Variants in ARHGEF37 observed in about 807,000 individuals in gnomAD.
ARHGEF37 encodes Rho guanine nucleotide exchange factor (GEF) 37.
In ARHGEF37, 55 loss-of-function variants were observed where a neutral mutation model predicts 71.1. That is an observed-to-expected ratio of 0.77 (90% confidence interval 0.62 to 0.97). ARHGEF37 has a LOEUF of 0.97. Ranked by LOEUF, ARHGEF37 falls within the 50% of genes least tolerant of loss-of-function variation. The probability of loss-of-function intolerance (pLI) is 0.00; values close to 1 mark genes in which losing one functional copy is unlikely to be tolerated. For missense variants in ARHGEF37, 765 were observed against 836.8 expected (o/e 0.91, Z 1.06); for synonymous variants, 327 against 350.6 (o/e 0.93, Z 0.75).
intron 5 of ARHGEF37, among the ~76,000 whole-genome samples, chr5:149,616,999 T>C (rs979315672): frequency 6.6e-6 from 1 of 152,178 alleles, no homozygotes; most frequent in East Asian, 1.9e-4. Context: ...CTGGCTTGCC[T>C]CATAATAGTA....
chr5:149,602,419 G>A (rs919956417), intron 3 of ARHGEF37, among the ~76,000 whole-genome samples: 1 of 152,100 alleles, frequency 6.6e-6, no homozygotes, highest in Admixed American at 6.5e-5. Flanking sequence ...GGTGGTGAGA[G>A]TGGAAGCAGC....
At position 149,619,000 on chromosome 5, in the gene ARHGEF37, T is replaced by C; in HGVS notation, c.852T>C (p.Thr284=). The change falls in exon 7 of 13, where the codon ACT becomes ACC. Residue 284 remains threonine, a synonymous_variant. Coordinates refer to ENST00000333677, the MANE Select transcript of ARHGEF37 (RefSeq NM_001001669.3). Reference sequence around the variant, plus strand: ...TCCAGTGGGTGTCTCTGTGTGTGACTGAGCTGAAGAACAACGTGGCTGCTT... The same window carrying C: ...TCCAGTGGGTGTCTCTGTGTGTGACCGAGCTGAAGAACAACGTGGCTGCTT... ...ERFQWVSLCV[T]ELKNNVAAYL... 1.9e-6 allele frequency: 3 copies of C among 1,614,212 alleles called. No homozygotes were observed. In the South Asian group the frequency reaches 3.3e-5, roughly 18 times the overall value.
chr5:149,566,047 TGTTA>T (rs1025932015), intron 1 of ARHGEF37, among the ~76,000 whole-genome samples: 3 of 151,224 alleles, frequency 2.0e-5, no homozygotes, highest in African/African-American at 7.3e-5. Flanking sequence ...TGTTTCACCA[TGTTA>T]GTTAGGCTCA....
intron 1 of ARHGEF37, among the ~76,000 whole-genome samples, chr5:149,591,387 T>A (rs78818953): frequency 0.22 from 32,873 of 151,750 alleles, 4,301 homozygotes; most frequent in African/African-American, 0.36. Context: ...TCGGCCAGCC[T>A]TTGTCTTTTT....
At chr5:149,611,510 A>G (rs1764076512) in intron 4 of ARHGEF37, among the ~76,000 whole-genome samples, 1 of 152,216 alleles carries the variant, frequency 6.6e-6, no homozygotes, top group East Asian at 1.9e-4. Flanking sequence ...CATCCTCTGC[A>G]CTTTGGTCTT....
intron 1 of ARHGEF37, among the ~76,000 whole-genome samples, chr5:149,594,795 C>T (rs929732520): frequency 6.6e-5 from 10 of 152,198 alleles, no homozygotes; most frequent in African/African-American, 7.2e-5. Flanking sequence ...CAAATACCCA[C>T]GTACTTACCT....
At chr5:149,617,094 A>C (rs1357308454) in intron 5 of ARHGEF37, among the ~76,000 whole-genome samples, 1 of 152,140 alleles carries the variant, frequency 6.6e-6, no homozygotes, top group East Asian at 1.9e-4. Context: ...CACAAAAATT[A>C]AGTCAAAGTT....
At position 149,616,433 on chromosome 5, in the gene ARHGEF37, G is replaced by A; in HGVS notation, c.459-134G>A. The A allele has an allele frequency of 5.1e-6, 4 of 777,278 alleles. No individual in the cohort carries two copies. In the South Asian group the frequency reaches 8.2e-5, roughly 16 times the overall value. 48.1% of individuals were successfully genotyped at this position (777,278 alleles called of 1,614,324 possible). On this transcript the variant is annotated intron_variant, in intron 4 of 12. Coordinates refer to ENST00000333677, the MANE Select transcript of ARHGEF37 (RefSeq NM_001001669.3). ...ACTCACAAGTTACAGATGAGGAACT[G>A]GAGGATCGCAGAGAGGGGGTGACTT...
At chr5:149,577,566 G>A (rs1763041171), upstream of ARHGEF37, among the ~76,000 whole-genome samples, 1 of 152,192 alleles carries the variant, frequency 6.6e-6, no homozygotes, top group African/African-American at 2.4e-5. Flanking sequence ...GTGCTATAAA[G>A]AAGTTCTCTG....
At chr5:149,594,997 T>A (rs1763505353) in intron 1 of ARHGEF37, among the ~76,000 whole-genome samples, 1 of 152,252 alleles carries the variant, frequency 6.6e-6, no homozygotes, top group Admixed American at 6.5e-5. Flanking sequence ...TGATTCCATT[T>A]ACATGAATTT....
intron 1 of ARHGEF37, among the ~76,000 whole-genome samples, chr5:149,595,053 C>T (rs1297633068): frequency 6.6e-6 from 1 of 152,098 alleles, no homozygotes; most frequent in Non-Finnish European, 1.5e-5. Context: ...TTTGTGGTTG[C>T]CAAGGATTAG....
At chr5:149,618,096 G>C in intron 5 of ARHGEF37, 80 bp from the exon 6 acceptor site, 1 of 1,578,998 alleles carries the variant, frequency 6.3e-7, no homozygotes, top group African/African-American at 1.3e-5. Context: ...CCAAGCAGGT[G>C]CCCAGCCGGG....
intron 1 of ARHGEF37, among the ~76,000 whole-genome samples, chr5:149,574,818 T>G (rs1389481908): frequency 1.3e-5 from 2 of 152,146 alleles, no homozygotes; most frequent in African/African-American, 2.4e-5. Context: ...ATTCTACAGA[T>G]ACTCCATCAA....
chr5:149,618,914 A>G, intron 6 of ARHGEF37, 24 bp from the exon 7 acceptor site: 1 of 1,584,762 alleles, frequency 6.3e-7, no homozygotes, highest in Non-Finnish European at 8.7e-7. Flanking sequence ...GGATATTCTC[A>G]ACCCTCACAC....
At position 149,619,007 on chromosome 5, in the gene ARHGEF37, A is replaced by T. The variant is rs1752458318; in HGVS notation, c.859A>T (p.Lys287Ter). Reference sequence around the variant, plus strand: ...GGTGTCTCTGTGTGTGACTGAGCTGAAGAACAACGTGGCTGCTTACCTGGA... The same window carrying T: ...GGTGTCTCTGTGTGTGACTGAGCTGTAGAACAACGTGGCTGCTTACCTGGA... ...QWVSLCVTELKNNVAAYLDNL... is the reference protein window; with the variant it reads ...QWVSLCVTEL Residue 287 changes from lysine (K) to a stop codon, truncating the protein, a stop_gained, in exon 7 of 13, where the codon AAG becomes TAG. Transcript: ENST00000333677. LOFTEE classifies it high-confidence loss of function. The T allele has an allele frequency of 1.2e-6, 2 of 1,614,092 alleles. No individual in the cohort carries two copies. The highest frequency in any genetic ancestry group is 1.3e-5 in the African/African-American group (1 of 74,936).
intron 1 of ARHGEF37, among the ~76,000 whole-genome samples, chr5:149,560,688 G>A (rs7700512): frequency 6.4e-4 from 97 of 152,012 alleles, no homozygotes; most frequent in African/African-American, 2.3e-3. Context: ...TTTGGAGGGC[G>A]AGGGGGCAGA....
chr5:149,626,261 C>T (rs1200537682), intron 10 of ARHGEF37, among the ~76,000 whole-genome samples: 3 of 149,534 alleles, frequency 2.0e-5, no homozygotes, highest in African/African-American at 7.3e-5. Context: ...CACACACACA[C>T]ACACACACAC....
intron 3 of ARHGEF37, among the ~76,000 whole-genome samples, chr5:149,607,198 C>CA (rs1427274883): frequency 3.9e-5 from 6 of 152,228 alleles, no homozygotes; most frequent in African/African-American, 1.4e-4. Flanking sequence ...CCATAGCACC[C>CA]AACCTGTTTT....
At chr5:149,565,526 G>A (rs1762887281) in intron 1 of ARHGEF37, among the ~76,000 whole-genome samples, 1 of 152,148 alleles carries the variant, frequency 6.6e-6, no homozygotes, top group South Asian at 2.1e-4. Context: ...AAGCATACTG[G>A]CTACCAAGAG....
Sources: gnomAD v4.1 joint callset for allele counts (sites outside exome capture counted in the v4.1 genomes callset) on GRCh38, gnomAD v4.1.1 for gene constraint, MANE v1.5 for transcripts, NCBI Gene and HGNC (gene_info 2026-07-23, HGNC 2026-07-21) for gene names.